PKHD1: variants seen among roughly 807,000 people sequenced by gnomAD.
PKHD1 encodes the protein PKHD1 ciliary IPT domain containing fibrocystin/polyductin.
PKHD1 carries 291 observed loss-of-function variants against 412.0 expected under a neutral mutation model. That is an observed-to-expected ratio of 0.71 (90% CI 0.64 to 0.78). The LOEUF (loss-of-function observed/expected upper bound fraction) is 0.78, where lower values mean the gene tolerates loss of function less well. Among genes scored for constraint, PKHD1 ranks in the 30% least tolerant of loss-of-function variants. PKHD1 has a pLI of 0.00. For missense variants in PKHD1, 4,825 were observed against 4,950.7 expected (o/e 0.97, Z 0.76); for synonymous variants, 1,777 against 1,821.5 (o/e 0.98, Z 0.62).
chr6:51,974,202 GTGTT>G (rs375935354), intron 35 of PKHD1, among the ~76,000 whole-genome samples: 2 of 151,992 alleles, frequency 1.3e-5, no homozygotes, highest in African/African-American at 2.4e-5. Context: ...ACCTAAAGTA[GTGTT>G]TGTTTGTTTG....
intron 36 of PKHD1, among the ~76,000 whole-genome samples, chr6:51,935,738 G>A (rs1434312597): frequency 6.6e-6 from 1 of 152,180 alleles, no homozygotes; most frequent in Non-Finnish European, 1.5e-5. Context: ...TGGCCTGCCT[G>A]TTAGTTCTCA....
chr6:51,893,242 A>G (rs1345048751), intron 43 of PKHD1, among the ~76,000 whole-genome samples: 2 of 152,226 alleles, frequency 1.3e-5, no homozygotes, highest in Non-Finnish European at 2.9e-5. Flanking sequence ...TCTTAAATTT[A>G]AAAAATATAT....
At position 52,058,354 on chromosome 6, in the gene PKHD1, C is replaced by T. The variant is rs151070471; in HGVS notation, c.1481G>A (p.Arg494Gln). The change falls in exon 16 of 67, where the codon CGA (arginine) becomes CAA (glutamine). Residue 494 changes from arginine (R) to glutamine (Q), a missense_variant. Coordinates refer to ENST00000371117, the MANE Select transcript of PKHD1 (RefSeq NM_138694.4). ...TTYLREKHQI[R>Q]VRAQRLPEVQ... Reference sequence around the variant, plus strand: ...TTCTGGAAGCCTCTGGGCTCGGACTCGGATCTGGTGCTTCTCCCGTAGGTA... The same window carrying T: ...TTCTGGAAGCCTCTGGGCTCGGACTTGGATCTGGTGCTTCTCCCGTAGGTA... The T allele has an allele frequency of 3.7e-5, 60 of 1,614,182 alleles. No homozygotes were observed. The African/African-American group carries it at 6.9e-4, about 19-fold the overall frequency.
At chr6:52,076,161 C>T in intron 6 of PKHD1, 115 bp downstream of exon 6, 3 of 749,794 alleles carry the variant, frequency 4.0e-6, no homozygotes, top group South Asian at 1.5e-5. Context: ...ATTTTCAAAA[C>T]AGCATCAAAG....
At chr6:51,625,479 A>G (rs1392069243) in intron 66 of PKHD1, among the ~76,000 whole-genome samples, 4 of 152,168 alleles carry the variant, frequency 2.6e-5, no homozygotes. Context: ...TGTGATCCCC[A>G]GAGGAGGATT....
intron 36 of PKHD1, among the ~76,000 whole-genome samples, chr6:51,939,105 C>A (rs1048813443): frequency 6.6e-6 from 1 of 151,536 alleles, no homozygotes; most frequent in Non-Finnish European, 1.5e-5. Context: ...CGTGGGGATG[C>A]CTGCCTTGGT....
intron 35 of PKHD1, among the ~76,000 whole-genome samples, chr6:52,001,265 TTAA>T (rs528529587): frequency 2.6e-4 from 40 of 152,262 alleles, no homozygotes; most frequent in African/African-American, 8.2e-4. Flanking sequence ...TTTACATTGA[TTAA>T]TAATAATAAC....
chr6:52,058,942 T>G (rs956819929), intron 15 of PKHD1, among the ~76,000 whole-genome samples: 1 of 152,180 alleles, frequency 6.6e-6, no homozygotes, highest in African/African-American at 2.4e-5. Flanking sequence ...TCGAATGACT[T>G]GATCACATCA....
At chr6:51,647,893 G>T in intron 63 of PKHD1, 138 bp downstream of exon 63, 1 of 682,514 alleles carries the variant, frequency 1.5e-6, no homozygotes, top group Admixed American at 2.0e-5. Context: ...CTGTAGATTA[G>T]GGATGAAGGA....
At chr6:51,785,375 C>T (rs1792694780) in intron 53 of PKHD1, among the ~76,000 whole-genome samples, 1 of 152,124 alleles carries the variant, frequency 6.6e-6, no homozygotes. Context: ...TGTTCAATGA[C>T]ACCTCAGGCT....
chr6:51,683,611 T>C (rs1777004331), intron 60 of PKHD1, among the ~76,000 whole-genome samples: 1 of 152,082 alleles, frequency 6.6e-6, no homozygotes, highest in African/African-American at 2.4e-5. Context: ...ATTTGGATGA[T>C]GTATGGCATA....
At chr6:51,655,351 CA>C (rs555054045) in intron 61 of PKHD1, among the ~76,000 whole-genome samples, 2 of 152,056 alleles carry the variant, frequency 1.3e-5, no homozygotes, top group Non-Finnish European at 2.9e-5. Flanking sequence ...GACTGAATGC[CA>C]AAAGACTTGT....
chr6:51,917,641 A>G (rs1784036879), intron 37 of PKHD1, among the ~76,000 whole-genome samples: 1 of 152,082 alleles, frequency 6.6e-6, no homozygotes, highest in Non-Finnish European at 1.5e-5. Context: ...AGATGACAAA[A>G]TGGGAAGCGT....
intron 35 of PKHD1, among the ~76,000 whole-genome samples, chr6:52,004,270 T>C (rs1427532381): frequency 2.6e-5 from 4 of 152,288 alleles, no homozygotes; most frequent in African/African-American, 7.2e-5. Context: ...CAAGGCCCAA[T>C]CTAATATTAT....
At position 52,046,009 on chromosome 6, in the gene PKHD1, T is replaced by A. The variant is rs780385007; in HGVS notation, c.2587A>T (p.Ile863Phe). Residue 863 changes from isoleucine (I) to phenylalanine (F), a missense_variant, in exon 24 of 67, where the codon ATC becomes TTC. Coordinates refer to ENST00000371117, the MANE Select transcript of PKHD1 (RefSeq NM_138694.4). Reference protein sequence around the residue: ...STQIGDLPNFIRVSDENLTGV... With the variant: ...STQIGDLPNFFRVSDENLTGV... ...AGAAGGGATACTATACATACCCTGA[T>A]AAAATTGGGCAAATCCCCAATCTGA... is the stretch of plus-strand genomic sequence containing the variant. 9.3e-6 allele frequency: 15 copies of A among 1,612,330 alleles called. No homozygotes were observed. Among genetic ancestry groups the A allele is most frequent in the Non-Finnish European group, 1.3e-5 (15 of 1,178,444 alleles).
At chr6:51,740,430 A>T (rs1391083327) in intron 60 of PKHD1, among the ~76,000 whole-genome samples, 1 of 152,236 alleles carries the variant, frequency 6.6e-6, no homozygotes, top group Non-Finnish European at 1.5e-5. Context: ...AAGGCAATGG[A>T]TTCCAAATGA....
chr6:51,960,156 G>T (rs1791793469), intron 35 of PKHD1, 130 bp from the exon 36 acceptor site: 1 of 799,184 alleles, frequency 1.3e-6, no homozygotes, highest in Non-Finnish European at 2.1e-6. Flanking sequence ...TATAAGTATT[G>T]AATCAAAATA....
rs2128233790 is a variant in PKHD1, at chr6:52,073,455, A to G, written c.527+8T>C. The G allele has an allele frequency of 1.9e-6, 3 of 1,572,372 alleles. No homozygotes were observed. The highest frequency in any genetic ancestry group is 2.6e-6 in the Non-Finnish European group (3 of 1,142,200). On this transcript the variant is annotated splice_region_variant and intron_variant, in intron 7 of 66. Transcript: ENST00000371117. The stretch of plus-strand genomic sequence containing the variant: ...ACTAGTTAAACACAAAAACAAACAC[A>G]CACTTACCTATCAATGTACTCAGCA...
At chr6:51,696,787 T>C (rs1430349850) in intron 60 of PKHD1, among the ~76,000 whole-genome samples, 5 of 152,096 alleles carry the variant, frequency 3.3e-5, no homozygotes, top group African/African-American at 1.2e-4. Context: ...CGTGTGTCAT[T>C]GATAGTGGGA....
Sources: gnomAD v4.1 joint callset for allele counts (sites outside exome capture counted in the v4.1 genomes callset) on GRCh38, gnomAD v4.1.1 for gene constraint, MANE v1.5 for transcripts, NCBI Gene and HGNC (gene_info 2026-07-23, HGNC 2026-07-21) for gene names.